Variants in PLCB4 observed in about 807,000 individuals in gnomAD.
The protein encoded by PLCB4 is 1-phosphatidylinositol 4,5-bisphosphate phosphodiesterase beta-4.
In PLCB4, 77 loss-of-function variants were observed where a neutral mutation model predicts 178.8. The observed-to-expected ratio is 0.43, with a 90% confidence interval of 0.36 to 0.52. The LOEUF is 0.52. Among genes scored for constraint, PLCB4 ranks in the 20% least tolerant of loss-of-function variants. The pLI is 0.00. For missense variants in PLCB4, 1,024 were observed against 1,453.4 expected (o/e 0.70, Z 4.80); for synonymous variants, 496 against 490.8 (o/e 1.01, Z -0.14).
intron 28 of PLCB4, among the ~76,000 whole-genome samples, chr20:9,434,118 A>G (rs2041607735): frequency 6.6e-6 from 1 of 152,240 alleles, no homozygotes; most frequent in Non-Finnish European, 1.5e-5. Flanking sequence ...AGAGAATGGA[A>G]AGTTTAAGCA....
At chr20:9,146,132 T>G (rs540374789) in intron 2 of PLCB4, among the ~76,000 whole-genome samples, 3 of 152,264 alleles carry the variant, frequency 2.0e-5, no homozygotes, top group Non-Finnish European at 4.4e-5. Context: ...CTGTGGCCAC[T>G]CTGTAAACAG....
chr20:9,419,750 G>T, intron 25 of PLCB4, 57 bp from the exon 26 acceptor site: 2 of 1,024,442 alleles, frequency 2.0e-6, no homozygotes, highest in South Asian at 2.5e-5. Flanking sequence ...TTCAACTAGC[G>T]AGTGTTTTAG....
At chr20:9,099,893 G>GT (rs1350411282) in intron 2 of PLCB4, among the ~76,000 whole-genome samples, 3 of 152,144 alleles carry the variant, frequency 2.0e-5, no homozygotes, top group African/African-American at 7.2e-5. Flanking sequence ...ATTTTATTGT[G>GT]TGTACAGTAG....
In PLCB4 at chr20:9,425,834, G is replaced by A. The variant is rs538467908; in HGVS notation, c.2524+1882G>A. On this transcript the variant is annotated intron_variant, in intron 28 of 39. Coordinates refer to ENST00000378473, the MANE Select transcript of PLCB4 (RefSeq NM_001377142.1). ...AAACCAGGGACAGACATTATGCGGT[G>A]TCAGGGACTTCCCTGTAGATAACAG... Among the ~76,000 whole-genome samples the A allele has an allele frequency of 2.6e-5, 4 of 152,348 alleles. No individual in the cohort carries two copies. The East Asian group carries it at 7.7e-4, about 29-fold the overall frequency.
chr20:9,283,021 G>A (rs767328680), intron 3 of PLCB4, among the ~76,000 whole-genome samples: 17 of 152,110 alleles, frequency 1.1e-4, no homozygotes, highest in East Asian at 3.9e-4. Flanking sequence ...CATGTGGAAC[G>A]AAAGTCTTCA....
Position 9,236,525 on chromosome 20 carries a change from T to TA in PLCB4, c.-16+19073_-16+19074insA, listed in dbSNP as rs544163723. ...AGAGCCTACTTAGACTGAGCCTAAT[T>TA]GCACAAGGCAGTGTCTAATCTTTCG... On this transcript the variant is annotated intron_variant, in intron 3 of 39. Coordinates refer to ENST00000378473, the MANE Select transcript of PLCB4 (RefSeq NM_001377142.1). Among the ~76,000 whole-genome samples, 35 of 152,282 alleles carry TA rather than the reference T, an allele frequency of 2.3e-4. 1 individual carries two copies. In the South Asian group the frequency reaches 6.8e-3, roughly 30 times the overall value.
At chr20:9,190,924 G>C (rs541405086) in intron 2 of PLCB4, among the ~76,000 whole-genome samples, 228 of 152,204 alleles carry the variant, frequency 1.5e-3, no homozygotes, top group African/African-American at 5.4e-3. Context: ...ATCCAGACAT[G>C]TCTAACTACT....
At chr20:9,214,560 GACAC>G (rs11474652) in intron 2 of PLCB4, among the ~76,000 whole-genome samples, 330 of 145,574 alleles carry the variant, frequency 2.3e-3, no homozygotes, top group Admixed American at 4.0e-3. Context: ...AAACACCCCA[GACAC>G]ACACACACAC....
intron 3 of PLCB4, among the ~76,000 whole-genome samples, chr20:9,256,608 T>C (rs569103965): frequency 6.6e-6 from 1 of 152,342 alleles, no homozygotes; most frequent in East Asian, 1.9e-4. Context: ...CACCATCTGC[T>C]GAGGCATCTG....
At chr20:9,308,954 A>C (rs2094800341) in intron 4 of PLCB4, among the ~76,000 whole-genome samples, 1 of 152,232 alleles carries the variant, frequency 6.6e-6, no homozygotes, top group Admixed American at 6.5e-5. Flanking sequence ...TGCCATCCAG[A>C]GACAAGCACT....
chr20:9,445,583 A>G (rs1401610965), intron 32 of PLCB4, among the ~76,000 whole-genome samples: 1 of 152,228 alleles, frequency 6.6e-6, no homozygotes, highest in Non-Finnish European at 1.5e-5. Flanking sequence ...GCCTAATCTT[A>G]TCCTAGTAAT....
chr20:9,242,709 G>C (rs1292619365), intron 3 of PLCB4, among the ~76,000 whole-genome samples: 1 of 152,148 alleles, frequency 6.6e-6, no homozygotes, highest in African/African-American at 2.4e-5. Flanking sequence ...CCCTAAATCA[G>C]GGAATTAGAG....
chr20:9,209,019 A>G (rs1396442767), intron 2 of PLCB4, among the ~76,000 whole-genome samples: 6 of 152,238 alleles, frequency 3.9e-5, no homozygotes. Flanking sequence ...GTCCTAACAA[A>G]GCAAAACAAA....
rs188716650 is a variant in PLCB4, at chr20:9,255,282, A to G, written c.-16+37830A>G. Among the ~76,000 whole-genome samples the G allele has an allele frequency of 1.3e-3, 199 of 152,304 alleles. 1 individual carries two copies. Among genetic ancestry groups the G allele is most frequent in the African/African-American group, 4.6e-3 (190 of 41,570 alleles). ...AAAGTCATAAGAATTGTAAGATTCA[A>G]AGTCATTCTTCTTGTTAGCTTCTGT... On this transcript the variant is annotated intron_variant, in intron 3 of 39. Transcript: ENST00000378473.
chr20:9,391,097 T>C (rs2038102825), intron 17 of PLCB4, among the ~76,000 whole-genome samples: 1 of 152,178 alleles, frequency 6.6e-6, no homozygotes, highest in Non-Finnish European at 1.5e-5. Context: ...CCTGGATTGA[T>C]GTCACGACAT....
intron 2 of PLCB4, among the ~76,000 whole-genome samples, chr20:9,179,195 G>A (rs564677196): frequency 6.6e-6 from 1 of 152,226 alleles, no homozygotes; most frequent in South Asian, 2.1e-4. Context: ...CTTTGAAAGG[G>A]TATTTTTCCA....
intron 3 of PLCB4, among the ~76,000 whole-genome samples, chr20:9,235,268 C>T (rs1464783521): frequency 2.6e-5 from 4 of 152,068 alleles, no homozygotes; most frequent in African/African-American, 9.7e-5. Context: ...AGTACAGTTG[C>T]TGGTGATGAT....
At chr20:9,090,354 A>G (rs1294617371) in intron 1 of PLCB4, among the ~76,000 whole-genome samples, 1 of 151,990 alleles carries the variant, frequency 6.6e-6, no homozygotes, top group Non-Finnish European at 1.5e-5. Context: ...AAAACTCAAC[A>G]TCCTTTTAAA....
At chr20:9,185,320 TA>T (rs1568914515) in intron 2 of PLCB4, among the ~76,000 whole-genome samples, 1 of 152,150 alleles carries the variant, frequency 6.6e-6, no homozygotes, top group East Asian at 1.9e-4. Context: ...GTTTTTTTTT[TA>T]TTTATACTGA....
Sources: gnomAD v4.1 joint callset for allele counts (sites outside exome capture counted in the v4.1 genomes callset) on GRCh38, gnomAD v4.1.1 for gene constraint, MANE v1.5 for transcripts, NCBI Gene and HGNC (gene_info 2026-07-23, HGNC 2026-07-21) for gene names.